Variants in TRIM44 observed in about 807,000 individuals in gnomAD.
The protein encoded by TRIM44 is tripartite motif-containing protein 44.
A neutral mutation model predicts 37.4 loss-of-function variants in TRIM44; 13 were observed. The observed-to-expected ratio is 0.35, with a 90% CI of 0.23 to 0.55. The LOEUF (loss-of-function observed/expected upper bound fraction) is 0.55. TRIM44 is among the 20% of genes least tolerant of loss of function. TRIM44 has a pLI of 0.89. For missense variants in TRIM44, 426 were observed against 437.2 expected, an observed-to-expected ratio of 0.97 and a Z score of 0.23; for synonymous variants, 175 against 157.2, an observed-to-expected ratio of 1.11 and a Z score of -0.85.
At chr11:35,670,951 G>C (rs184560087) in intron 1 of TRIM44, among the ~76,000 whole-genome samples, 2 of 152,326 alleles carry the variant, frequency 1.3e-5, no homozygotes, top group Admixed American at 1.3e-4. Context: ...CAGTTCTCTG[G>C]TTTTAAATGT....
At position 35,686,132 on chromosome 11, in the gene TRIM44, G is replaced by A. The variant is rs990012113; in HGVS notation, c.747+796G>A. Among the ~76,000 whole-genome samples the A allele has an allele frequency of 5.9e-5, 9 of 151,608 alleles. No individual in the cohort carries two copies. In the East Asian group the frequency reaches 7.7e-4, roughly 13 times the overall value. The stretch of plus-strand genomic sequence containing the variant: ...GTTTGGAAACTGGTTTAAGTGTCCC[G>A]GCTTTTTTTTTTTATTTCAATATGT... On this transcript the variant is annotated intron_variant, in intron 2 of 4. Transcript: ENST00000299413.
chr11:35,685,600 G>C (rs1203259152), intron 2 of TRIM44, among the ~76,000 whole-genome samples: 1 of 152,082 alleles, frequency 6.6e-6, no homozygotes. Flanking sequence ...CTTTACCAGG[G>C]GTCTTTGAAT....
intron 4 of TRIM44, among the ~76,000 whole-genome samples, chr11:35,752,292 A>C (rs1256557829): frequency 1.3e-5 from 2 of 151,826 alleles, no homozygotes; most frequent in East Asian, 3.9e-4. Context: ...TAAGAATCCT[A>C]CTGCCTTCTT....
In TRIM44 at chr11:35,815,432, G is replaced by A. The variant is rs141388290; in HGVS notation, c.*9047G>A. Reference sequence around the variant, plus strand: ...CTTGGTGATAGTAGGGCAATAGGGAGTGTCAGTAGGGTAGTTTCAGGTGGG... The same window carrying A: ...CTTGGTGATAGTAGGGCAATAGGGAATGTCAGTAGGGTAGTTTCAGGTGGG... On this transcript the variant is annotated 3_prime_UTR_variant, in exon 5 of 5. Coordinates refer to ENST00000299413, the MANE Select transcript of TRIM44 (RefSeq NM_017583.6). 280 of 152,306 alleles carry A rather than the reference G, an allele frequency of 1.8e-3. 2 individuals are homozygous for A. Among genetic ancestry groups the A allele is most frequent in the African/African-American group, 6.5e-3 (269 of 41,572 alleles). 9.4% of individuals were successfully genotyped at this position (152,306 alleles called of 1,614,324 possible). A position where few individuals can be genotyped will look rare whatever the true frequency, so the allele number is the denominator to read the frequency against.
intron 4 of TRIM44, among the ~76,000 whole-genome samples, chr11:35,785,031 C>G (rs1199831148): frequency 6.6e-6 from 1 of 152,122 alleles, no homozygotes; most frequent in Non-Finnish European, 1.5e-5. Context: ...AGGTATTGTT[C>G]TTTGCTTCTT....
intron 4 of TRIM44, among the ~76,000 whole-genome samples, chr11:35,749,986 T>C (rs1852540949): frequency 6.6e-6 from 1 of 152,208 alleles, no homozygotes; most frequent in Admixed American, 6.5e-5. Context: ...GCTGTTGGAA[T>C]AATTCTTACT....
At position 35,817,568 on chromosome 11, in the gene TRIM44, A is replaced by T. The variant is rs1177518810; in HGVS notation, c.*11183A>T. 1.3e-5 allele frequency: 2 copies of T among 152,100 alleles called. No homozygotes were observed. Among genetic ancestry groups the T allele is most frequent in the Non-Finnish European group, 2.9e-5 (2 of 68,044 alleles). 9.4% of individuals were successfully genotyped at this position (152,100 alleles called of 1,614,324 possible). A position where few individuals can be genotyped will look rare whatever the true frequency, so the allele number is the denominator to read the frequency against. ...TGTGTGTGTCTGTGGGTGTGTATGC[A>T]TGTGTGTGGAAGCTATACAAGGAAA... On this transcript the variant is annotated 3_prime_UTR_variant, in exon 5 of 5. Coordinates refer to ENST00000299413, the MANE Select transcript of TRIM44 (RefSeq NM_017583.6).
chr11:35,672,469 A>G (rs1186407185), intron 1 of TRIM44, among the ~76,000 whole-genome samples: 1 of 152,244 alleles, frequency 6.6e-6, no homozygotes, highest in Non-Finnish European at 1.5e-5. Context: ...AGTGGTTGGC[A>G]GAATTCAGTA....
At chr11:35,671,914 T>C (rs530051593) in intron 1 of TRIM44, among the ~76,000 whole-genome samples, 1 of 152,322 alleles carries the variant, frequency 6.6e-6, no homozygotes, top group African/African-American at 2.4e-5. Flanking sequence ...TGCAGCCCAA[T>C]TTATGACTTC....
chr11:35,776,846 A>G (rs1565019145), intron 4 of TRIM44, among the ~76,000 whole-genome samples: 2 of 152,196 alleles, frequency 1.3e-5, no homozygotes, highest in Non-Finnish European at 2.9e-5. Context: ...CTGTTCTTTT[A>G]CATTTGCTGA....
intron 4 of TRIM44, among the ~76,000 whole-genome samples, chr11:35,778,626 G>C (rs755670504): frequency 1.3e-5 from 2 of 152,144 alleles, no homozygotes; most frequent in African/African-American, 4.8e-5. Context: ...TGATGGTGAC[G>C]TACAGATGGG....
intron 4 of TRIM44, among the ~76,000 whole-genome samples, chr11:35,804,937 A>C (rs1298873915): frequency 6.6e-6 from 1 of 152,178 alleles, no homozygotes; most frequent in Non-Finnish European, 1.5e-5. Context: ...TTTCCCTTAA[A>C]GTCTTTCCCA....
At chr11:35,700,650 A>G (rs536469302) in intron 2 of TRIM44, among the ~76,000 whole-genome samples, 392 of 152,296 alleles carry the variant, frequency 2.6e-3, no homozygotes, top group Non-Finnish European at 4.8e-3. Context: ...TTAAACAACC[A>G]GTTATTTTAC....
chr11:35,785,232 C>T (rs1005393435), intron 4 of TRIM44, among the ~76,000 whole-genome samples: 1 of 152,154 alleles, frequency 6.6e-6, no homozygotes, highest in Non-Finnish European at 1.5e-5. Context: ...TTTGCTGTAT[C>T]ACCTAAAAGA....
At chr11:35,778,290 G>A (rs772647855) in intron 4 of TRIM44, among the ~76,000 whole-genome samples, 16 of 152,206 alleles carry the variant, frequency 1.1e-4, no homozygotes, top group Non-Finnish European at 1.3e-4. Context: ...TTTTCGTGCC[G>A]TGGTTTTCAG....
rs1056834603 is a variant in TRIM44, at chr11:35,814,697, A to G, written c.*8312A>G. ...CCCAGGCAAGGATTTTTCCATACCT[A>G]TCTTTTTGCTGGTGGTAATGATGAG... On this transcript the variant is annotated 3_prime_UTR_variant, in exon 5 of 5. Transcript: ENST00000299413. 1 of 152,122 alleles carries G rather than the reference A, an allele frequency of 6.6e-6. No individual in the cohort carries two copies. The highest frequency in any genetic ancestry group is 1.5e-5 in the Non-Finnish European group (1 of 68,026). 9.4% of individuals were successfully genotyped at this position (152,122 alleles called of 1,614,324 possible).
chr11:35,678,256 A>G (rs1478032374), intron 1 of TRIM44, among the ~76,000 whole-genome samples: 1 of 152,190 alleles, frequency 6.6e-6, no homozygotes, highest in Non-Finnish European at 1.5e-5. Flanking sequence ...TTGGGTAGCA[A>G]GAGTGGGAGC....
At chr11:35,719,852 G>T (rs993482310) in intron 2 of TRIM44, among the ~76,000 whole-genome samples, 4 of 152,066 alleles carry the variant, frequency 2.6e-5, no homozygotes, top group African/African-American at 9.7e-5. Context: ...AAGATCAGTT[G>T]ACATATGTAC....
At chr11:35,766,903 C>G (rs1011229659) in intron 4 of TRIM44, among the ~76,000 whole-genome samples, 1 of 152,118 alleles carries the variant, frequency 6.6e-6, no homozygotes, top group Non-Finnish European at 1.5e-5. Flanking sequence ...CAAATGAGTT[C>G]AATTATTAAC....
Sources: allele counts gnomAD v4.1 joint callset (sites outside exome capture counted in the v4.1 genomes callset), GRCh38; gene constraint gnomAD v4.1.1; transcripts MANE v1.5; gene names NCBI Gene and HGNC (gene_info 2026-07-23, HGNC 2026-07-21).